Variants in DPYSL3 observed in about 807,000 individuals in gnomAD.
DPYSL3 encodes dihydropyrimidinase like 3, also known as dihydropyrimidinase-related protein 3.
A neutral mutation model predicts 66.1 loss-of-function variants in DPYSL3; 16 were observed. The ratio of observed to expected loss-of-function variants is 0.24; its 90% CI spans 0.16 to 0.37. DPYSL3 has a LOEUF of 0.37. Among genes scored for constraint, DPYSL3 ranks in the 10% least tolerant of loss-of-function variants. The pLI is 1.00. For synonymous variants in DPYSL3, 338 were observed against 345.1 expected, an observed-to-expected ratio of 0.98 and a Z score of 0.23; for missense variants, 738 against 916.2, an observed-to-expected ratio of 0.81 and a Z score of 2.51.
chr5:147,471,786 A>G (rs1753088616), intron 1 of DPYSL3, among the ~76,000 whole-genome samples: 1 of 152,198 alleles, frequency 6.6e-6, no homozygotes. Context: ...CAACTTTAGG[A>G]TAGAAACTCT....
intron 1 of DPYSL3, among the ~76,000 whole-genome samples, chr5:147,477,342 G>T (rs1753168859): frequency 6.6e-6 from 1 of 152,088 alleles, no homozygotes; most frequent in Non-Finnish European, 1.5e-5. Context: ...TGAATGAAAA[G>T]AAATGGAAAG....
chr5:147,464,331 G>A (rs1752981487), intron 1 of DPYSL3, among the ~76,000 whole-genome samples: 1 of 152,176 alleles, frequency 6.6e-6, no homozygotes. Context: ...GACCCAACTC[G>A]AAATACACGC....
At chr5:147,402,621 A>T (rs1758225459) in intron 8 of DPYSL3, among the ~76,000 whole-genome samples, 1 of 151,606 alleles carries the variant, frequency 6.6e-6, no homozygotes, top group Admixed American at 6.5e-5. Flanking sequence ...TGCTGGGATT[A>T]CAGGCGTGAG....
chr5:147,434,532 C>A (rs1752380498), intron 1 of DPYSL3, among the ~76,000 whole-genome samples: 1 of 152,142 alleles, frequency 6.6e-6, no homozygotes, highest in African/African-American at 2.4e-5. Flanking sequence ...AGTCTTTATT[C>A]TAAGGGTAAA....
intron 13 of DPYSL3, among the ~76,000 whole-genome samples, chr5:147,394,517 G>A (rs955046101): frequency 6.6e-6 from 1 of 152,158 alleles, no homozygotes; most frequent in South Asian, 2.1e-4. Context: ...AGATAACTGA[G>A]GTTCTGAAAG....
chr5:147,411,559 A>C (rs1303024636), intron 6 of DPYSL3, among the ~76,000 whole-genome samples: 1 of 152,168 alleles, frequency 6.6e-6, no homozygotes, highest in Non-Finnish European at 1.5e-5. Flanking sequence ...TAAAATAGGG[A>C]GGATGATAGC....
At position 147,409,846 on chromosome 5, in the gene DPYSL3, T is replaced by G. The variant is rs141182391; in HGVS notation, c.964-1050A>C. ...CAAGCCTAGTCTCACTTTGAAACTG[T>G]GAGGCATTTAGAAAGGTAAGGATTC... On this transcript the variant is annotated intron_variant, in intron 6 of 13. Coordinates refer to ENST00000343218, the MANE Select transcript of DPYSL3 (RefSeq NM_001197294.2). Among the ~76,000 whole-genome samples, 1,002 of 152,298 alleles carry G rather than the reference T, an allele frequency of 6.6e-3. 7 individuals are homozygous for G. Among genetic ancestry groups the G allele is most frequent in the African/African-American group, 0.022 (932 of 41,554 alleles).
Position 147,395,638 on chromosome 5 carries a change from G to A in DPYSL3, c.1887C>T (p.Pro629=), listed in dbSNP as rs540998273. 1.4e-5 allele frequency: 23 copies of A among 1,614,036 alleles called. No homozygotes were observed. The highest frequency in any genetic ancestry group is 3.3e-4 in the Middle Eastern group (2 of 6,058). ...TAGGAGAGCCCCGAGCAGAGCCTGC[G>A]GGGGTGCCACCTTTGGGGGTGGTGG... ...DLTTTPKGGT[P]AGSARGSPTR... is the part of the protein sequence containing the mutation. The change falls in exon 13 of 14, where the codon CCC becomes CCT. Residue 629 remains proline, a synonymous_variant. Transcript: ENST00000343218.
At chr5:147,485,045 T>C (rs1012938089) in intron 1 of DPYSL3, among the ~76,000 whole-genome samples, 3 of 152,246 alleles carry the variant, frequency 2.0e-5, no homozygotes, top group African/African-American at 7.2e-5. Flanking sequence ...TTTTCAACTA[T>C]GTTTTGAGGT....
chr5:147,482,460 C>T (rs974560387), intron 1 of DPYSL3, among the ~76,000 whole-genome samples: 6 of 152,208 alleles, frequency 3.9e-5, no homozygotes, highest in Non-Finnish European at 5.9e-5. Flanking sequence ...ACACCATCAG[C>T]TCAGATTGGC....
rs1353013153 is a variant in DPYSL3 at position 147,391,506 on chromosome 5, A to C, written c.*2529T>G. 6.6e-6 allele frequency: 1 copy of C among 152,538 alleles called. No individual in the cohort carries two copies. The highest frequency in any genetic ancestry group is 2.4e-5 in the African/African-American group (1 of 41,404). The allele number at this position is 152,538 out of a possible 1,614,324, so 9.4% of individuals were successfully genotyped here. Reference sequence around the variant, plus strand: ...ATCCTCAGGGTTGGGGGGCAGGCCAAGGGATGAGATGGCAAAGGACAGCTT... The same window carrying C: ...ATCCTCAGGGTTGGGGGGCAGGCCACGGGATGAGATGGCAAAGGACAGCTT... On this transcript the variant is annotated 3_prime_UTR_variant, in exon 14 of 14. Coordinates refer to ENST00000343218, the MANE Select transcript of DPYSL3 (RefSeq NM_001197294.2).
chr5:147,484,149 G>A (rs979018902), intron 1 of DPYSL3, among the ~76,000 whole-genome samples: 2 of 152,194 alleles, frequency 1.3e-5, no homozygotes, highest in Admixed American at 1.3e-4. Context: ...CCTTGGAAGG[G>A]AGCCCGTGCT....
rs1271087572 is a variant in DPYSL3 at position 147,418,594 on chromosome 5, T to G, written c.508A>C (p.Lys170Gln). 3.1e-6 allele frequency: 5 copies of G among 1,608,306 alleles called. No individual in the cohort carries two copies. The highest frequency in any genetic ancestry group is 3.4e-6 in the Non-Finnish European group (4 of 1,176,542). Residue 170 changes from lysine (K) to glutamine (Q), a missense_variant, in exon 3 of 14, where the codon AAG becomes CAG. Lys to Gln is a moderately conservative substitution (Grantham distance 53). Transcript: ENST00000343218. ...ATCTTCCCATTGGCTTCAATGGTCTTCACTCCTCCAGGAACAATCAGATTG... is the reference window on the plus strand; with the variant it reads ...ATCTTCCCATTGGCTTCAATGGTCTGCACTCCTCCAGGAACAATCAGATTG... ...GDNLIVPGGV[K>Q]TIEANGKMVI...
At chr5:147,466,483 G>T (rs1307987691) in intron 1 of DPYSL3, among the ~76,000 whole-genome samples, 1 of 152,124 alleles carries the variant, frequency 6.6e-6, no homozygotes, top group Non-Finnish European at 1.5e-5. Flanking sequence ...CTGAATCCCG[G>T]AACTACCTGC....
At position 147,451,786 on chromosome 5, in the gene DPYSL3, A is replaced by G. The variant is rs1460939565; in HGVS notation, c.382-26823T>C. 2.0e-4 allele frequency among the ~76,000 whole-genome samples: 30 copies of G among 152,186 alleles called. 1 individual carries two copies. The highest frequency in any genetic ancestry group is 1.8e-3 in the Admixed American group (27 of 15,280). ...ATCTCCTGAGTTGGGGAGATAAGTA[A>G]AAATTGAGCTTTTGTCCCAATCAGC... On this transcript the variant is annotated intron_variant, in intron 1 of 13. Transcript: ENST00000343218.
At chr5:147,444,458 G>A (rs1300318551) in intron 1 of DPYSL3, among the ~76,000 whole-genome samples, 1 of 152,040 alleles carries the variant, frequency 6.6e-6, no homozygotes, top group Admixed American at 6.5e-5. Flanking sequence ...TATCTTTTAT[G>A]CAATAAAAAA....
chr5:147,448,808 G>C (rs934105467), intron 1 of DPYSL3, among the ~76,000 whole-genome samples: 13 of 152,144 alleles, frequency 8.5e-5, no homozygotes, highest in African/African-American at 2.7e-4. Flanking sequence ...CCTTCTCCTA[G>C]TATTTGAGGA....
Position 147,509,584 on chromosome 5 carries a change from C to G in DPYSL3, c.275G>C (p.Arg92Pro), listed in dbSNP as rs931737199. The G allele has an allele frequency of 2.0e-6, 3 of 1,535,424 alleles. No individual in the cohort carries two copies. Among genetic ancestry groups the G allele is most frequent in the Non-Finnish European group, 2.6e-6 (3 of 1,146,648 alleles). ...EGDTPRRGQG[R>P]EESREPAPAS... ...GGGCGCGGGCTCCCTGCTCTCTTCC[C>G]GGCCTTGGCCCCTGCGCGGGGTGTC... The change falls in exon 1 of 14, where the codon CGG (arginine) becomes CCG (proline). Residue 92 changes from arginine (R) to proline (P), a missense_variant. Physicochemically the swap from Arg to Pro is moderately radical, Grantham distance 103. Coordinates refer to ENST00000343218, the MANE Select transcript of DPYSL3 (RefSeq NM_001197294.2). The surrounding 1 kb of genome is among the most constrained non-coding windows in gnomAD (Gnocchi z 5.3).
chr5:147,482,706 T>G (rs185725036), intron 1 of DPYSL3, among the ~76,000 whole-genome samples: 28 of 152,344 alleles, frequency 1.8e-4, no homozygotes, highest in African/African-American at 6.7e-4. Flanking sequence ...ATAAGATTAC[T>G]TCTGATTTTT....
Sources: allele counts gnomAD v4.1 joint callset (sites outside exome capture counted in the v4.1 genomes callset), GRCh38; gene constraint gnomAD v4.1.1; non-coding constraint Gnocchi (gnomAD v3.1); transcripts MANE v1.5; gene names NCBI Gene and HGNC (gene_info 2026-07-23, HGNC 2026-07-21).